The following MED13L variants were observed in gnomAD, a reference collection of about 807,000 sequenced individuals.
MED13L encodes the protein mediator of RNA polymerase II transcription subunit 13-like.
Under a neutral mutation model 220.9 loss-of-function variants are expected in MED13L, and 7 were observed. The ratio of observed to expected loss-of-function variants is 0.03; its 90% CI spans 0.02 to 0.06. The LOEUF (loss-of-function observed/expected upper bound fraction) is 0.06. Among genes scored for constraint, MED13L ranks in the 10% least tolerant of loss-of-function variants. The pLI is 1.00. For synonymous variants in MED13L, 1,011 were observed against 1,015.2 expected, an observed-to-expected ratio of 1.00 and a Z score of 0.08; for missense variants, 1,965 against 2,760.5, an observed-to-expected ratio of 0.71 and a Z score of 6.46.
At chr12:116,019,996 T>C (rs1259834831) in intron 5 of MED13L, 24 bp from the exon 6 acceptor site, 1 of 1,593,858 alleles carries the variant, frequency 6.3e-7, no homozygotes, top group East Asian at 2.2e-5. Context: ...GAGAAATACA[T>C]GCTAAACATT....
At chr12:116,049,123 G>C (rs1160764535) in intron 4 of MED13L, among the ~76,000 whole-genome samples, 1 of 152,128 alleles carries the variant, frequency 6.6e-6, no homozygotes, top group Non-Finnish European at 1.5e-5. Flanking sequence ...ATGATCTCAT[G>C]TACAGAATGT....
intron 23 of MED13L, among the ~76,000 whole-genome samples, chr12:115,977,101 C>G (rs1167948285): frequency 6.6e-6 from 1 of 152,152 alleles, no homozygotes; most frequent in African/African-American, 2.4e-5. Context: ...TGCAGTGACC[C>G]AGGTTCATGC....
intron 2 of MED13L, among the ~76,000 whole-genome samples, chr12:116,218,886 A>G (rs1451908107): frequency 6.6e-6 from 1 of 152,072 alleles, no homozygotes; most frequent in Non-Finnish European, 1.5e-5. Context: ...GGCATGTGCC[A>G]CCACACCTGG....
chr12:115,974,705 T>C (rs1419033535), intron 25 of MED13L, among the ~76,000 whole-genome samples: 2 of 152,192 alleles, frequency 1.3e-5, no homozygotes, highest in Non-Finnish European at 2.9e-5. Context: ...TGGCAACTAC[T>C]TGTCCTCATG....
intron 13 of MED13L, among the ~76,000 whole-genome samples, chr12:116,005,033 A>G (rs900275962): frequency 2.6e-5 from 4 of 152,162 alleles, no homozygotes; most frequent in African/African-American, 9.7e-5. Flanking sequence ...AAGGGTGGTA[A>G]TTTAATCATA....
intron 2 of MED13L, among the ~76,000 whole-genome samples, chr12:116,158,941 A>G (rs191170257): frequency 4.1e-4 from 63 of 152,342 alleles, no homozygotes; most frequent in Middle Eastern, 6.8e-3. Flanking sequence ...TAACAAATCC[A>G]GAAATTTAAA....
intron 2 of MED13L, among the ~76,000 whole-genome samples, chr12:116,123,718 G>A (rs1875295471): frequency 6.6e-6 from 1 of 152,070 alleles, no homozygotes; most frequent in Admixed American, 6.6e-5. Flanking sequence ...TTGAAATGCA[G>A]CTGTCTCGTT....
At chr12:116,231,229 A>G (rs891909111) in intron 2 of MED13L, among the ~76,000 whole-genome samples, 2 of 152,184 alleles carry the variant, frequency 1.3e-5, no homozygotes, top group African/African-American at 4.8e-5. Flanking sequence ...AACAATTACA[A>G]AAGGAAAGGA....
At chr12:116,067,205 T>A (rs1373091641) in intron 4 of MED13L, among the ~76,000 whole-genome samples, 1 of 152,180 alleles carries the variant, frequency 6.6e-6, no homozygotes, top group Non-Finnish European at 1.5e-5. Flanking sequence ...AAAAAATACA[T>A]CCATAATATT....
At chr12:116,208,213 G>C (rs548340615) in intron 2 of MED13L, among the ~76,000 whole-genome samples, 2 of 152,136 alleles carry the variant, frequency 1.3e-5, no homozygotes, top group Non-Finnish European at 2.9e-5. Context: ...TGGCTAACAC[G>C]GTGAAACCCG....
chr12:116,190,297 AATC>A (rs1371748015), intron 2 of MED13L, among the ~76,000 whole-genome samples: 3 of 152,216 alleles, frequency 2.0e-5, no homozygotes, highest in African/African-American at 7.2e-5. Flanking sequence ...TATGTTTGAT[AATC>A]ATCAATGGAT....
Position 116,165,811 on chromosome 12 carries a change from TCA to T in MED13L, c.311-54301_311-54300del, listed in dbSNP as rs1369873109. ...TTTAAGATAAAGACCCAAATCCTTATCACTGACTGAAAGCCCTTTTGTGGCTA... is the reference window on the plus strand; with the variant it reads ...TTTAAGATAAAGACCCAAATCCTTATCTGACTGAAAGCCCTTTTGTGGCTA... On this transcript the variant is annotated intron_variant, in intron 2 of 30. Coordinates refer to ENST00000281928, the MANE Select transcript of MED13L (RefSeq NM_015335.5). 2.6e-5 allele frequency among the ~76,000 whole-genome samples: 4 copies of T among 152,176 alleles called. No homozygotes were observed. In the South Asian group the frequency reaches 6.2e-4, roughly 24 times the overall value.
At chr12:116,170,294 T>G (rs567040785) in intron 2 of MED13L, among the ~76,000 whole-genome samples, 7 of 152,228 alleles carry the variant, frequency 4.6e-5, no homozygotes, top group Non-Finnish European at 5.9e-5. Context: ...CATTTTTGTA[T>G]GAAATCACAA....
intron 2 of MED13L, among the ~76,000 whole-genome samples, chr12:116,201,361 C>T (rs12426991): frequency 0.02 from 3,035 of 151,612 alleles, 55 homozygotes; most frequent in Non-Finnish European, 0.032. Flanking sequence ...AATGAAGAAA[C>T]CCTGAGATGG....
intron 9 of MED13L, among the ~76,000 whole-genome samples, chr12:116,012,440 AT>A (rs1879467474): frequency 6.6e-6 from 1 of 152,206 alleles, no homozygotes; most frequent in African/African-American, 2.4e-5. Flanking sequence ...TTTAATCCAA[AT>A]TCTATTGACT....
intron 13 of MED13L, among the ~76,000 whole-genome samples, chr12:116,003,794 T>C (rs1878889353): frequency 6.6e-6 from 1 of 152,170 alleles, no homozygotes; most frequent in African/African-American, 2.4e-5. Context: ...AACATTGAAA[T>C]GTAAAATTAA....
Position 116,083,663 on chromosome 12 carries a change from A to G in MED13L, c.479+13006T>C, listed in dbSNP as rs529479220. Among the ~76,000 whole-genome samples, 271 of 152,270 alleles carry G rather than the reference A, an allele frequency of 1.8e-3. 1 individual carries two copies. The highest frequency in any genetic ancestry group is 6.2e-3 in the African/African-American group (258 of 41,550). Reference sequence around the variant, plus strand: ...ACTCGTAATAATGCATATGTTCATCACTTCCTGAAAACGCTGCACGTACAA... The same window carrying G: ...ACTCGTAATAATGCATATGTTCATCGCTTCCTGAAAACGCTGCACGTACAA... On this transcript the variant is annotated intron_variant, in intron 4 of 30. Transcript: ENST00000281928.
intron 1 of MED13L, among the ~76,000 whole-genome samples, chr12:116,274,147 CA>C (rs1291461678): frequency 6.6e-6 from 1 of 152,078 alleles, no homozygotes; most frequent in African/African-American, 2.4e-5. Context: ...GCATTTTTCA[CA>C]CGTTAGGAAA....
intron 4 of MED13L, among the ~76,000 whole-genome samples, chr12:116,086,989 T>C (rs943980992): frequency 2.0e-5 from 3 of 152,170 alleles, no homozygotes; most frequent in African/African-American, 7.2e-5. Context: ...ATTTCTTATA[T>C]TGCCATTATG....
Sources: gnomAD v4.1 joint callset for allele counts (sites outside exome capture counted in the v4.1 genomes callset) on GRCh38, gnomAD v4.1.1 for gene constraint, MANE v1.5 for transcripts, NCBI Gene and HGNC (gene_info 2026-07-23, HGNC 2026-07-21) for gene names.